Variants in XRCC4 observed in about 807,000 individuals in gnomAD.
The protein encoded by XRCC4 is DNA repair protein XRCC4.
XRCC4 carries 28 observed loss-of-function variants against 39.1 expected under a neutral mutation model. The ratio of observed to expected loss-of-function variants is 0.72; its 90% confidence interval spans 0.53 to 0.98. The LOEUF is 0.98. XRCC4 is among the 50% of genes least tolerant of loss of function. XRCC4 has a pLI of 0.00. For missense variants in XRCC4, 350 were observed against 376.4 expected, an observed-to-expected ratio of 0.93 and a Z score of 0.58; for synonymous variants, 123 against 126.4, an observed-to-expected ratio of 0.97 and a Z score of 0.18.
At chr5:83,161,545 A>C (rs1040399362) in intron 3 of XRCC4, among the ~76,000 whole-genome samples, 1 of 152,102 alleles carries the variant, frequency 6.6e-6, no homozygotes, top group Non-Finnish European at 1.5e-5. Flanking sequence ...AGTCTAGGGG[A>C]TCCTTTAATA....
chr5:83,206,981 G>A (rs148488838), intron 6 of XRCC4, among the ~76,000 whole-genome samples: 130 of 152,220 alleles, frequency 8.5e-4, no homozygotes, highest in African/African-American at 3.0e-3. Flanking sequence ...ATTTGAATTG[G>A]ATTACACAAT....
the XRCC4 span, among the ~76,000 whole-genome samples, chr5:83,363,794 T>C: frequency 3.4e-3 from 517 of 152,330 alleles, 16 homozygotes; most frequent in East Asian, 0.077. Context: ...ACTTCCTTTT[T>C]TGAACATTCC....
intron 3 of XRCC4, among the ~76,000 whole-genome samples, chr5:83,130,702 G>A (rs10040951): frequency 0.49 from 74,384 of 151,794 alleles, 19,161 homozygotes; most frequent in African/African-American, 0.63. Context: ...TCTTGGGAGG[G>A]TGTATGTGTC....
the XRCC4 span, among the ~76,000 whole-genome samples, chr5:83,367,186 T>G: frequency 7.2e-5 from 11 of 152,206 alleles, no homozygotes; most frequent in African/African-American, 2.7e-4. Flanking sequence ...TAGAAAGCTT[T>G]GTTGATTGGA....
At chr5:83,257,786 C>G (rs1000126307) in intron 6 of XRCC4, among the ~76,000 whole-genome samples, 1 of 152,068 alleles carries the variant, frequency 6.6e-6, no homozygotes, top group Non-Finnish European at 1.5e-5. Context: ...TGGAACCAAC[C>G]GAAATGCCCA....
intron 6 of XRCC4, among the ~76,000 whole-genome samples, chr5:83,234,555 C>T (rs145334086): frequency 2.0e-5 from 3 of 152,194 alleles, no homozygotes; most frequent in Non-Finnish European, 4.4e-5. Context: ...CTATTGTGCC[C>T]AGCTTCTTCT....
intron 7 of XRCC4, among the ~76,000 whole-genome samples, chr5:83,277,354 G>A (rs1754370746): frequency 6.6e-6 from 1 of 152,214 alleles, no homozygotes; most frequent in South Asian, 2.1e-4. Flanking sequence ...CTGAGCCAGA[G>A]AACTTTCTTC....
intron 6 of XRCC4, among the ~76,000 whole-genome samples, chr5:83,207,478 T>C (rs997158224): frequency 2.0e-5 from 3 of 152,118 alleles, no homozygotes; most frequent in Non-Finnish European, 4.4e-5. Context: ...TTATTTTTTA[T>C]TTTTGCATTT....
intron 3 of XRCC4, among the ~76,000 whole-genome samples, chr5:83,143,021 C>T (rs1167351843): frequency 1.3e-5 from 2 of 152,048 alleles, no homozygotes; most frequent in Non-Finnish European, 2.9e-5. Flanking sequence ...CACTTGGTAA[C>T]ACTTAAATGT....
At chr5:83,365,907 A>G in the XRCC4 span, among the ~76,000 whole-genome samples, 1 of 152,334 alleles carries the variant, frequency 6.6e-6, no homozygotes, top group African/African-American at 2.4e-5. Context: ...ATTATAAAAT[A>G]GAGTTTGTCA....
At position 83,115,453 on chromosome 5, in the gene XRCC4, A is replaced by AC. The variant is rs10676945; in HGVS notation, c.315+4250_315+4251insC. Among the ~76,000 whole-genome samples, 34 of 152,022 alleles carry AC rather than the reference A, an allele frequency of 2.2e-4. 1 individual carries two copies. The East Asian group carries it at 6.3e-3, about 28-fold the overall frequency. ...AAAAAACAAACAAACAAACAAACAA[A>AC]AAAACAAGATGAGATTTGGGTGGGG... On this transcript the variant is annotated intron_variant, in intron 3 of 7. Coordinates refer to ENST00000396027, the MANE Select transcript of XRCC4 (RefSeq NM_003401.5).
chr5:83,183,194 C>T (rs1406149010), intron 3 of XRCC4, among the ~76,000 whole-genome samples: 1 of 151,596 alleles, frequency 6.6e-6, no homozygotes, highest in African/African-American at 2.4e-5. Flanking sequence ...CCTTTTTTTC[C>T]CCAGTCTTCC....
chr5:83,337,372 T>C (rs1261245134), intron 7 of XRCC4, among the ~76,000 whole-genome samples: 1 of 152,172 alleles, frequency 6.6e-6, no homozygotes, highest in Admixed American at 6.5e-5. Context: ...GACTCATTTA[T>C]AAATAGTAGA....
chr5:83,258,339 G>GT (rs1753626974), intron 6 of XRCC4, among the ~76,000 whole-genome samples, 191 bp from the exon 7 acceptor site: 1 of 152,082 alleles, frequency 6.6e-6, no homozygotes. Context: ...TATACATAAT[G>GT]TTTTTTGTTG....
intron 1 of XRCC4, among the ~76,000 whole-genome samples, chr5:83,095,727 C>T (rs1745644492): frequency 6.6e-6 from 1 of 152,088 alleles, no homozygotes; most frequent in Non-Finnish European, 1.5e-5. Flanking sequence ...TCATGAATCT[C>T]CTAGCAGATC....
At chr5:83,162,583 A>G (rs1029583460) in intron 3 of XRCC4, among the ~76,000 whole-genome samples, 10 of 152,170 alleles carry the variant, frequency 6.6e-5, no homozygotes, top group African/African-American at 2.4e-4. Flanking sequence ...ACTCTTATAA[A>G]TCTACTGAAA....
intron 3 of XRCC4, among the ~76,000 whole-genome samples, chr5:83,161,702 T>C (rs10076056): frequency 0.33 from 50,139 of 152,040 alleles, 9,057 homozygotes; most frequent in Non-Finnish European, 0.41. Context: ...TCTCCTTCAA[T>C]CAACATATTT....
Position 83,100,814 on chromosome 5 carries a change from A to AT in XRCC4, c.-10-4092dup, listed in dbSNP as rs34330447. ...GATTGGCATAGAAAAACAGTAACAGATTTTCCAGTAATTTTCAAATTTAAG... is the reference window on the plus strand; with the variant it reads ...GATTGGCATAGAAAAACAGTAACAGATTTTTCCAGTAATTTTCAAATTTAAG... On this transcript the variant is annotated intron_variant, in intron 1 of 7. Transcript: ENST00000396027. Among the ~76,000 whole-genome samples, 12 of 152,182 alleles carry AT rather than the reference A, an allele frequency of 7.9e-5. No individual in the cohort carries two copies. In the East Asian group the frequency reaches 2.1e-3, roughly 27 times the overall value.
At chr5:83,265,879 G>T (rs1025804596) in intron 7 of XRCC4, among the ~76,000 whole-genome samples, 5 of 151,930 alleles carry the variant, frequency 3.3e-5, no homozygotes, top group Admixed American at 6.6e-5. Context: ...AACACCCTGG[G>T]AACAACCCTT....
Sources: gnomAD v4.1 joint callset for allele counts (sites outside exome capture counted in the v4.1 genomes callset) on GRCh38, gnomAD v4.1.1 for gene constraint, MANE v1.5 for transcripts, NCBI Gene and HGNC (gene_info 2026-07-23, HGNC 2026-07-21) for gene names.